The following FARS2 variants were observed in gnomAD, a reference collection of about 807,000 sequenced individuals.
The protein encoded by FARS2 is phenylalanyl-tRNA synthetase 2, mitochondrial, also known as phenylalanine--tRNA ligase, mitochondrial.
Under a neutral mutation model 46.4 loss-of-function variants are expected in FARS2, and 40 were observed. That is an observed-to-expected ratio of 0.86 (90% confidence interval 0.67 to 1.12). FARS2 has a LOEUF of 1.12. Ranked by LOEUF, FARS2 falls within the 50% of genes most tolerant of loss-of-function variation. The pLI is 0.00. For synonymous variants in FARS2, 234 were observed against 214.9 expected (o/e 1.09, Z -0.78); for missense variants, 513 against 567.9 (o/e 0.90, Z 0.98).
At chr6:5,726,463 C>T (rs998347560) in intron 6 of FARS2, among the ~76,000 whole-genome samples, 1 of 152,128 alleles carries the variant, frequency 6.6e-6, no homozygotes, top group African/African-American at 2.4e-5. Flanking sequence ...ATGGTCCTCA[C>T]GATGTAAAAA....
intron 5 of FARS2, among the ~76,000 whole-genome samples, chr6:5,591,730 T>A (rs1418175881): frequency 6.6e-6 from 1 of 152,210 alleles, no homozygotes; most frequent in African/African-American, 2.4e-5. Flanking sequence ...TCAACTCACA[T>A]AGCCCCTCAC....
At chr6:5,303,976 C>T (rs189472625) in intron 1 of FARS2, among the ~76,000 whole-genome samples, 4 of 152,092 alleles carry the variant, frequency 2.6e-5, no homozygotes, top group Admixed American at 2.6e-4. Flanking sequence ...GATGCCTGTG[C>T]GTCCGTAGAA....
intron 1 of FARS2, among the ~76,000 whole-genome samples, chr6:5,270,708 A>G (rs887380377): frequency 2.0e-5 from 3 of 152,200 alleles, no homozygotes; most frequent in African/African-American, 7.2e-5. Flanking sequence ...TTTTAGGATG[A>G]AGTCTAATTC....
intron 3 of FARS2, among the ~76,000 whole-genome samples, chr6:5,415,517 A>G (rs1054696021): frequency 6.6e-6 from 1 of 151,328 alleles, no homozygotes; most frequent in Admixed American, 6.6e-5. Flanking sequence ...GAGTTTCGCT[A>G]TGTTAGCTAG....
chr6:5,257,971 G>A (rs142510368), upstream of FARS2, among the ~76,000 whole-genome samples: 107 of 152,330 alleles, frequency 7.0e-4, no homozygotes, highest in African/African-American at 2.4e-3. Context: ...GTGGGATGAA[G>A]AGAGTTGGGA....
chr6:5,696,610 C>T (rs9392710), intron 6 of FARS2, among the ~76,000 whole-genome samples: 57,666 of 151,844 alleles, frequency 0.38, 12,651 homozygotes, highest in Non-Finnish European at 0.49. Flanking sequence ...TAAATTATTC[C>T]ATTTTTTGTT....
intron 1 of FARS2, among the ~76,000 whole-genome samples, chr6:5,355,609 G>GTAC (rs1341916697): frequency 4.6e-5 from 7 of 151,564 alleles, no homozygotes; most frequent in African/African-American, 1.5e-4. Flanking sequence ...CGTACGCCTC[G>GTAC]GCCTCCCAAA....
At chr6:5,409,419 C>T (rs1375483563) in intron 3 of FARS2, among the ~76,000 whole-genome samples, 1 of 149,466 alleles carries the variant, frequency 6.7e-6, no homozygotes. Flanking sequence ...CCACCGTACT[C>T]CAGCCTGGGC....
intron 4 of FARS2, among the ~76,000 whole-genome samples, chr6:5,437,343 A>G (rs888281060): frequency 3.3e-5 from 5 of 152,200 alleles, no homozygotes; most frequent in African/African-American, 1.2e-4. Context: ...GGAGTGTTCT[A>G]TAAATGTCAG....
chr6:5,279,571 T>C (rs992298945), intron 1 of FARS2, among the ~76,000 whole-genome samples: 7 of 147,896 alleles, frequency 4.7e-5, no homozygotes, highest in African/African-American at 1.5e-4. Flanking sequence ...TGTGTGTGTG[T>C]GTGTATATAT....
At chr6:5,746,927 T>C (rs1245622615) in intron 6 of FARS2, among the ~76,000 whole-genome samples, 14 of 152,180 alleles carry the variant, frequency 9.2e-5, no homozygotes, top group Non-Finnish European at 5.9e-5. Flanking sequence ...CTTTAGATTA[T>C]GATGGGAGAG....
intron 6 of FARS2, among the ~76,000 whole-genome samples, chr6:5,655,799 T>G (rs1009098142): frequency 1.3e-5 from 2 of 152,242 alleles, no homozygotes; most frequent in Non-Finnish European, 2.9e-5. Context: ...TGGAGGATCA[T>G]TCTTTTACCT....
At chr6:5,376,183 T>C (rs556158896) in intron 2 of FARS2, among the ~76,000 whole-genome samples, 31 of 152,318 alleles carry the variant, frequency 2.0e-4, no homozygotes, top group African/African-American at 7.2e-4. Flanking sequence ...ATATAGGTGG[T>C]GAGCACACGT....
chr6:5,375,448 T>A (rs1056479808), intron 2 of FARS2, among the ~76,000 whole-genome samples: 2 of 152,012 alleles, frequency 1.3e-5, no homozygotes, highest in Non-Finnish European at 2.9e-5. Flanking sequence ...TGTAGATTCA[T>A]AGATAGGAAA....
At chr6:5,623,114 C>T (rs1461477351) in intron 6 of FARS2, among the ~76,000 whole-genome samples, 1 of 152,192 alleles carries the variant, frequency 6.6e-6, no homozygotes, top group Non-Finnish European at 1.5e-5. Flanking sequence ...GGAGTAATGT[C>T]ATCCATAAAT....
intron 1 of FARS2, among the ~76,000 whole-genome samples, chr6:5,354,310 A>G (rs1053159163): frequency 6.6e-6 from 1 of 152,084 alleles, no homozygotes; most frequent in African/African-American, 2.4e-5. Flanking sequence ...GGAGGAGCTG[A>G]GTACTATTAT....
At chr6:5,650,691 A>T (rs529841680) in intron 6 of FARS2, among the ~76,000 whole-genome samples, 14 of 152,074 alleles carry the variant, frequency 9.2e-5, no homozygotes, top group Non-Finnish European at 1.8e-4. Context: ...GTTAGCCAGG[A>T]TGGTCTCGAT....
chr6:5,347,864 T>C (rs1049945989), intron 1 of FARS2, among the ~76,000 whole-genome samples: 4 of 152,184 alleles, frequency 2.6e-5, no homozygotes, highest in Admixed American at 6.5e-5. Flanking sequence ...ACAAGAACAA[T>C]AATAATAATG....
chr6:5,290,765 A>T (rs1306803999), intron 1 of FARS2, among the ~76,000 whole-genome samples: 1 of 152,212 alleles, frequency 6.6e-6, no homozygotes, highest in East Asian at 1.9e-4. Flanking sequence ...CTGTCCCCTA[A>T]GCTGGAGTGC....
Sources: gnomAD v4.1 joint callset for allele counts (sites outside exome capture counted in the v4.1 genomes callset) on GRCh38, gnomAD v4.1.1 for gene constraint, MANE v1.5 for transcripts, NCBI Gene and HGNC (gene_info 2026-07-23, HGNC 2026-07-21) for gene names.